The following COX10 variants were observed in gnomAD, a reference collection of about 807,000 sequenced individuals.
COX10 encodes cytochrome c oxidase assembly factor heme A:farnesyltransferase COX10, also known as protoheme IX farnesyltransferase, mitochondrial.
COX10 carries 27 observed loss-of-function variants against 37.3 expected under a neutral mutation model. The ratio of observed to expected loss-of-function variants is 0.72; its 90% CI spans 0.53 to 1.00. The LOEUF is 1.00. Among genes scored for constraint, COX10 ranks in the 50% least tolerant of loss-of-function variants. COX10 has a pLI of 0.00. For missense variants in COX10, 475 were observed against 563.2 expected (o/e 0.84, Z 1.59); for synonymous variants, 222 against 229.1 (o/e 0.97, Z 0.28).
intron 3 of COX10, among the ~76,000 whole-genome samples, chr17:14,094,531 C>T (rs1252179191): frequency 6.6e-6 from 1 of 151,032 alleles, no homozygotes. Context: ...TTTTGGCACA[C>T]TGAAGTGCTT....
intron 4 of COX10, among the ~76,000 whole-genome samples, chr17:14,120,066 T>C (rs1916197624): frequency 6.6e-6 from 1 of 151,996 alleles, no homozygotes; most frequent in East Asian, 1.9e-4. Flanking sequence ...TGATTAGCAG[T>C]GGTGGAAAGA....
At chr17:14,130,889 G>A (rs34721069) in intron 4 of COX10, among the ~76,000 whole-genome samples, 39,333 of 151,832 alleles carry the variant, frequency 0.26, 6,096 homozygotes, top group African/African-American at 0.43. Context: ...CCCAGGACCT[G>A]TGATTCTTCA....
intron 4 of COX10, among the ~76,000 whole-genome samples, chr17:14,143,333 A>G (rs1179614703): frequency 1.3e-5 from 2 of 152,170 alleles, no homozygotes; most frequent in African/African-American, 4.8e-5. Flanking sequence ...AAAGAAGCAC[A>G]TTTTGTTATG....
intron 4 of COX10, among the ~76,000 whole-genome samples, chr17:14,128,713 T>C (rs1916396807): frequency 6.6e-6 from 1 of 152,170 alleles, no homozygotes; most frequent in African/African-American, 2.4e-5. Context: ...AGAACTTAAG[T>C]ACATTATGGA....
intron 6 of COX10, among the ~76,000 whole-genome samples, chr17:14,205,748 G>A (rs954567349): frequency 6.6e-6 from 1 of 152,140 alleles, no homozygotes; most frequent in Non-Finnish European, 1.5e-5. Flanking sequence ...GTCTCTTTTT[G>A]GAGAACTTGG....
At chr17:14,075,502 TAAAG>T (rs1409669281) in intron 2 of COX10, among the ~76,000 whole-genome samples, 3 of 152,170 alleles carry the variant, frequency 2.0e-5, no homozygotes, top group African/African-American at 7.2e-5. Context: ...ATCTGTAAGT[TAAAG>T]AGAGAGAAAG....
intron 5 of COX10, among the ~76,000 whole-genome samples, chr17:14,188,140 G>T: frequency 7.8e-6 from 1 of 128,414 alleles, no homozygotes; most frequent in African/African-American, 2.9e-5. Flanking sequence ...GGCCAATTCA[G>T]GAAAAATAAA....
At chr17:14,085,958 A>G (rs750367819) in intron 3 of COX10, among the ~76,000 whole-genome samples, 1 of 152,266 alleles carries the variant, frequency 6.6e-6, no homozygotes, top group Non-Finnish European at 1.5e-5. Flanking sequence ...ATGAGGTTTT[A>G]TATTTGTCAT....
intron 5 of COX10, among the ~76,000 whole-genome samples, chr17:14,170,065 T>G (rs533574878): frequency 6.6e-6 from 1 of 152,330 alleles, no homozygotes; most frequent in South Asian, 2.1e-4. Context: ...CTTTGCTATA[T>G]TTTGATGCTG....
At chr17:14,098,246 G>A (rs1915693920) in intron 3 of COX10, among the ~76,000 whole-genome samples, 2 of 152,192 alleles carry the variant, frequency 1.3e-5, no homozygotes, top group African/African-American at 4.8e-5. Flanking sequence ...ATGGAGAGAA[G>A]CAGTTTACTT....
At chr17:14,072,456 GGT>G (rs2142178985) in intron 1 of COX10, among the ~76,000 whole-genome samples, 1 of 152,174 alleles carries the variant, frequency 6.6e-6, no homozygotes, top group East Asian at 1.9e-4. Context: ...CCTGACCTCA[GGT>G]GATCCCCCAA....
chr17:14,093,258 T>C lies in COX10; in HGVS notation c.500-8860T>C, dbSNP rs539907111. 2.6e-5 allele frequency among the ~76,000 whole-genome samples: 4 copies of C among 152,278 alleles called. No individual in the cohort carries two copies. In the East Asian group the frequency reaches 7.7e-4, roughly 29 times the overall value. ...CTTTTGTTTTTTCTCTTAGTTCTTT[T>C]GTGGCCAGTGCTAAAAAATAGTGAG... On this transcript the variant is annotated intron_variant, in intron 3 of 6. Coordinates refer to ENST00000261643, the MANE Select transcript of COX10 (RefSeq NM_001303.4).
intron 4 of COX10, among the ~76,000 whole-genome samples, chr17:14,134,741 T>C (rs1916540969): frequency 6.6e-6 from 1 of 151,610 alleles, no homozygotes; most frequent in Non-Finnish European, 1.5e-5. Context: ...GTAGTAGTTT[T>C]TTGACTAGAC....
At position 14,192,069 on chromosome 17, in the gene COX10, C is replaced by T; in HGVS notation, c.776C>T (p.Thr259Ile). 1 of 1,614,226 alleles carries T rather than the reference C, an allele frequency of 6.2e-7. No homozygotes were observed. The highest frequency in any genetic ancestry group is 8.5e-7 in the Non-Finnish European group (1 of 1,180,046). The change falls in exon 6 of 7, where the codon ACA (threonine) becomes ATA (isoleucine). Residue 259 changes from threonine to isoleucine, a missense_variant. This residue lies in a region of COX10 where 54 missense variants were observed against 70.6 expected (regional missense o/e 0.76). Coordinates refer to ENST00000261643, the MANE Select transcript of COX10 (RefSeq NM_001303.4). ...CTGACCTTGGGGGTGAATCCACTCA[C>T]AGGAGCCCTGGGGCTCTTCAACATT... ...AILTLGVNPL[T>I]GALGLFNIFL...
At chr17:14,131,650 T>C (rs181903657) in intron 4 of COX10, among the ~76,000 whole-genome samples, 99 of 152,132 alleles carry the variant, frequency 6.5e-4, no homozygotes, top group African/African-American at 2.3e-3. Flanking sequence ...CTGATGACAA[T>C]AATTTAGAAA....
chr17:14,152,181 G>A (rs938229117), intron 4 of COX10, among the ~76,000 whole-genome samples: 15 of 152,140 alleles, frequency 9.9e-5, no homozygotes, highest in African/African-American at 3.1e-4. Context: ...ATATTAGTCC[G>A]TTTTCATGCT....
chr17:14,171,524 A>C (rs555726035), intron 5 of COX10, among the ~76,000 whole-genome samples: 1 of 151,872 alleles, frequency 6.6e-6, no homozygotes, highest in East Asian at 1.9e-4. Context: ...ACGTGGGAGC[A>C]CAAAGAGAAG....
chr17:14,124,167 A>C (rs1916285506), intron 4 of COX10, among the ~76,000 whole-genome samples: 1 of 152,174 alleles, frequency 6.6e-6, no homozygotes, highest in Non-Finnish European at 1.5e-5. Context: ...GTTGCATCAA[A>C]TATTGCAGGG....
At position 14,092,119 on chromosome 17, in the gene COX10, A is replaced by G. The variant is rs73979156; in HGVS notation, c.500-9999A>G. On this transcript the variant is annotated intron_variant, in intron 3 of 6. Coordinates refer to ENST00000261643, the MANE Select transcript of COX10 (RefSeq NM_001303.4). ...TAGAAAAGCTCTTTGGTTCAAGGAA[A>G]AGCGATAATTGAAAGAACAAGCTTA... Among the ~76,000 whole-genome samples the G allele has an allele frequency of 6.8e-3, 1,036 of 152,298 alleles. 9 individuals are homozygous for G. Among genetic ancestry groups the G allele is most frequent in the African/African-American group, 0.023 (955 of 41,590 alleles).
Sources: gnomAD v4.1 joint callset for allele counts (sites outside exome capture counted in the v4.1 genomes callset) on GRCh38, gnomAD v4.1.1 for gene constraint, gnomAD v4.1.1 regional missense constraint, MANE v1.5 for transcripts, NCBI Gene and HGNC (gene_info 2026-07-23, HGNC 2026-07-21) for gene names.